The following LSAMP variants were observed in gnomAD, a reference collection of about 807,000 sequenced individuals.
LSAMP encodes the protein limbic system associated membrane protein, also known as limbic system-associated membrane protein.
In LSAMP, 7 loss-of-function variants were observed where a neutral mutation model predicts 38.6. The ratio of observed to expected loss-of-function variants is 0.18; its 90% CI spans 0.10 to 0.34. The LOEUF (loss-of-function observed/expected upper bound fraction) is 0.34. Ranked by LOEUF, LSAMP falls within the 10% of genes least tolerant of loss-of-function variation. LSAMP has a pLI of 1.00. For missense variants in LSAMP, 313 were observed against 420.0 expected (o/e 0.75, Z 2.23); for synonymous variants, 154 against 166.8 (o/e 0.92, Z 0.59).
At chr3:116,080,060 G>A (rs949778061) in intron 2 of LSAMP, among the ~76,000 whole-genome samples, 2 of 152,116 alleles carry the variant, frequency 1.3e-5, no homozygotes, top group Admixed American at 6.5e-5. Context: ...AGCCACATAT[G>A]ATATTGCGTA....
At chr3:115,921,214 T>C (rs1311303661) in intron 3 of LSAMP, among the ~76,000 whole-genome samples, 1 of 152,162 alleles carries the variant, frequency 6.6e-6, no homozygotes, top group Non-Finnish European at 1.5e-5. Flanking sequence ...TTATTGATAA[T>C]GAACTATCAC....
intron 1 of LSAMP, among the ~76,000 whole-genome samples, chr3:116,218,674 A>T (rs2107614013): frequency 6.6e-6 from 1 of 152,256 alleles, no homozygotes. Context: ...ATTGCCCAGG[A>T]TGGAGTTCAG....
chr3:116,236,703 C>T (rs7637684), intron 1 of LSAMP, among the ~76,000 whole-genome samples: 109,276 of 151,856 alleles, frequency 0.72, 40,802 homozygotes, highest in South Asian at 0.84. Context: ...TTTGGGCCCA[C>T]AAGTTGCCTT....
At chr3:116,239,010 C>A (rs556538905) in intron 1 of LSAMP, among the ~76,000 whole-genome samples, 17 of 152,138 alleles carry the variant, frequency 1.1e-4, no homozygotes, top group Non-Finnish European at 1.6e-4. Flanking sequence ...GTTGAGAGTG[C>A]ATTTAGCTTA....
intron 1 of LSAMP, among the ~76,000 whole-genome samples, chr3:116,211,709 A>G (rs2046158634): frequency 6.6e-6 from 1 of 152,186 alleles, no homozygotes; most frequent in South Asian, 2.1e-4. Flanking sequence ...CTTATTAGAT[A>G]TCCCATATTT....
At chr3:116,263,092 TAA>T (rs1327701443) in intron 1 of LSAMP, among the ~76,000 whole-genome samples, 1 of 152,170 alleles carries the variant, frequency 6.6e-6, no homozygotes, top group Admixed American at 6.5e-5. Flanking sequence ...TATAACACTA[TAA>T]AAGAGAATGA....
At chr3:116,135,010 T>C (rs17698500) in intron 1 of LSAMP, among the ~76,000 whole-genome samples, 27,416 of 152,130 alleles carry the variant, frequency 0.18, 2,565 homozygotes, top group Admixed American at 0.22. Context: ...TACAGGAGTA[T>C]AGAAAGCACT....
At chr3:115,917,599 T>C (rs1442179512) in intron 3 of LSAMP, among the ~76,000 whole-genome samples, 1 of 152,120 alleles carries the variant, frequency 6.6e-6, no homozygotes, top group East Asian at 1.9e-4. Context: ...ATTTATTCCA[T>C]CCCTTCCCAT....
chr3:116,261,635 T>G (rs1031087339), intron 1 of LSAMP, among the ~76,000 whole-genome samples: 1 of 152,130 alleles, frequency 6.6e-6, no homozygotes, highest in African/African-American at 2.4e-5. Flanking sequence ...TCTAGGAAAT[T>G]AGCACAGTGT....
intron 6 of LSAMP, 192 bp downstream of exon 6, chr3:115,841,653 A>G (rs750378689): frequency 5.8e-6 from 3 of 518,484 alleles, no homozygotes; most frequent in Non-Finnish European, 9.7e-6. Context: ...AAGAAAGACT[A>G]TAGAGAGAAG....
intron 1 of LSAMP, among the ~76,000 whole-genome samples, chr3:116,392,256 A>T (rs1559851843): frequency 6.6e-6 from 1 of 152,108 alleles, no homozygotes; most frequent in African/African-American, 2.4e-5. Context: ...CCACCCTTCC[A>T]CAGCTGCAGA....
intron 1 of LSAMP, among the ~76,000 whole-genome samples, chr3:116,240,690 A>T (rs1244610069): frequency 6.6e-6 from 1 of 152,180 alleles, no homozygotes; most frequent in Non-Finnish European, 1.5e-5. Flanking sequence ...TTGGACTTTT[A>T]AGTTATCTGT....
intron 3 of LSAMP, among the ~76,000 whole-genome samples, chr3:115,995,106 T>A (rs1430902327): frequency 2.6e-5 from 4 of 152,130 alleles, no homozygotes; most frequent in African/African-American, 4.8e-5. Flanking sequence ...TTGTCAACTT[T>A]CCATACATAG....
chr3:116,027,074 T>C (rs1436609527), intron 2 of LSAMP, among the ~76,000 whole-genome samples: 2 of 152,200 alleles, frequency 1.3e-5, no homozygotes, highest in East Asian at 3.8e-4. Flanking sequence ...AAATATTGCA[T>C]GAGACACATT....
At chr3:116,401,375 G>C (rs1019554080) in intron 1 of LSAMP, among the ~76,000 whole-genome samples, 3 of 152,048 alleles carry the variant, frequency 2.0e-5, no homozygotes, top group Non-Finnish European at 4.4e-5. Flanking sequence ...TAGACCTCCT[G>C]GGCTCAGGTG....
chr3:115,866,135 A>G (rs1172458114), intron 3 of LSAMP, among the ~76,000 whole-genome samples: 1 of 152,176 alleles, frequency 6.6e-6, no homozygotes, highest in East Asian at 1.9e-4. Flanking sequence ...CAGATAGTAA[A>G]TGGCAGAGCT....
chr3:116,390,851 T>C (rs2048684771), intron 1 of LSAMP, among the ~76,000 whole-genome samples: 1 of 151,640 alleles, frequency 6.6e-6, no homozygotes, highest in South Asian at 2.1e-4. Context: ...TCTCAGGAGA[T>C]TTTTGTCAGT....
At chr3:116,239,572 A>G (rs2046506093) in intron 1 of LSAMP, among the ~76,000 whole-genome samples, 1 of 152,186 alleles carries the variant, frequency 6.6e-6, no homozygotes, top group African/African-American at 2.4e-5. Context: ...TAAATTAAAA[A>G]ATGATTTTAA....
intron 1 of LSAMP, among the ~76,000 whole-genome samples, chr3:116,241,287 G>A (rs1299572076): frequency 4.0e-5 from 6 of 151,678 alleles, no homozygotes; most frequent in Non-Finnish European, 4.4e-5. Context: ...TATGTTGGCC[G>A]GGCGCAGTGG....
Sources: gnomAD v4.1 joint callset for allele counts (sites outside exome capture counted in the v4.1 genomes callset) on GRCh38, gnomAD v4.1.1 for gene constraint, MANE v1.5 for transcripts, NCBI Gene and HGNC (gene_info 2026-07-23, HGNC 2026-07-21) for gene names.